The following PSMA8 variants were observed in gnomAD, a reference collection of about 807,000 sequenced individuals.
PSMA8 encodes the protein proteasome subunit alpha-type 8.
Under a neutral mutation model 32.4 loss-of-function variants are expected in PSMA8, and 18 were observed. That is an observed-to-expected ratio of 0.56 (90% confidence interval 0.38 to 0.82). The LOEUF (loss-of-function observed/expected upper bound fraction) is 0.82, where lower values mean the gene tolerates loss of function less well. Ranked by LOEUF, PSMA8 falls within the 40% of genes least tolerant of loss-of-function variation. The pLI, the probability that PSMA8 is intolerant of heterozygous loss-of-function variation, is 0.00. For missense variants in PSMA8, 298 were observed against 300.7 expected (o/e 0.99, Z 0.07); for synonymous variants, 104 against 98.1 (o/e 1.06, Z -0.36).
intron 1 of PSMA8, among the ~76,000 whole-genome samples, chr18:26,134,290 C>T (rs2054890626): frequency 6.6e-6 from 1 of 151,882 alleles, no homozygotes; most frequent in Admixed American, 6.6e-5. Flanking sequence ...TGCTGTTCAA[C>T]TGCCTCTGTT....
chr18:26,142,037 A>ATTTTTTTTTT (rs71169819), intron 1 of PSMA8, among the ~76,000 whole-genome samples: 1 of 117,600 alleles, frequency 8.5e-6, no homozygotes, highest in African/African-American at 3.6e-5. Context: ...AATAATGCTA[A>ATTTTTTTTTT]TTTTTTTTTT....
chr18:26,171,165 G>T, intron 4 of PSMA8: 2 of 1,559,038 alleles, frequency 1.3e-6, no homozygotes, highest in Middle Eastern at 1.7e-4. Context: ...TACTGAAGAG[G>T]TTGTGGTCAT....
chr18:26,141,713 C>CTTTTTTTTTTTTTTTT (rs1011733993), intron 1 of PSMA8, among the ~76,000 whole-genome samples: 14 of 109,992 alleles, frequency 1.3e-4, no homozygotes, highest in African/African-American at 1.9e-4. Context: ...TTTCTTTTTT[C>CTTTTTTTTTTTTTTTT]TTTTTTTTTT....
chr18:26,133,934 A>T lies in PSMA8; in HGVS notation c.-32A>T. ...GCTTGCCTCAGCTGCAGCAGCGGGA[A>T]GCTCGGTGGCAAGCCCTTGTAGTCC... On this transcript the variant is annotated 5_prime_UTR_variant, in exon 1 of 7. The change creates a new upstream start codon in the 5' untranslated region. Coordinates refer to ENST00000415576, the MANE Select transcript of PSMA8 (RefSeq NM_001025096.2). 1 of 1,570,000 alleles carries T rather than the reference A, an allele frequency of 6.4e-7. No homozygotes were observed. The highest frequency in any genetic ancestry group is 1.1e-5 in the South Asian group (1 of 89,720).
intron 3 of PSMA8, among the ~76,000 whole-genome samples, chr18:26,156,243 G>A (rs575046203): frequency 1.3e-5 from 2 of 152,162 alleles, no homozygotes; most frequent in African/African-American, 2.4e-5. Context: ...TAGTATGGAG[G>A]TTCCTCAGAA....
At chr18:26,191,678 C>T (rs116705461) in intron 6 of PSMA8, among the ~76,000 whole-genome samples, 1,562 of 151,940 alleles carry the variant, frequency 0.01, 27 homozygotes, top group African/African-American at 0.036. Flanking sequence ...TGGTCTCGAA[C>T]CCCTGACCTC....
At chr18:26,159,040 A>ACAT (rs2055114366) in intron 4 of PSMA8, among the ~76,000 whole-genome samples, 1 of 152,116 alleles carries the variant, frequency 6.6e-6, no homozygotes, top group African/African-American at 2.4e-5. Context: ...AGAGAAACCT[A>ACAT]GCTTCCAGGA....
At chr18:26,140,003 G>T in intron 1 of PSMA8, 1 of 700,054 alleles carries the variant, frequency 1.4e-6, no homozygotes. Flanking sequence ...TCTTTGTCAA[G>T]AAATTCATAG....
At chr18:26,184,865 T>A (rs1344973213) in intron 6 of PSMA8, among the ~76,000 whole-genome samples, 1 of 148,712 alleles carries the variant, frequency 6.7e-6, no homozygotes, top group Non-Finnish European at 1.5e-5. Context: ...GGCGGGTGGA[T>A]CACCTGAGGT....
rs376739064 is a variant in PSMA8, at chr18:26,151,746, G to GA, written c.230-105dup. On this transcript the variant is annotated intron_variant, in intron 2 of 6. Coordinates refer to ENST00000415576, the MANE Select transcript of PSMA8 (RefSeq NM_001025096.2). ...GTCTTTTAAAATGAGCATGTATTGA[G>GA]AAAAAAAGGATAAGAAAGATTTCAT... The GA allele has an allele frequency of 4.9e-4, 489 of 997,256 alleles. No homozygotes were observed. The African/African-American group carries it at 7.0e-3, about 14-fold the overall frequency. The allele number at this position is 997,256 out of a possible 1,614,324, so 61.8% of individuals were successfully genotyped here. A position where few individuals can be genotyped will look rare whatever the true frequency, so the allele number is the denominator to read the frequency against.
At chr18:26,161,570 G>A (rs1389133402) in intron 4 of PSMA8, among the ~76,000 whole-genome samples, 1 of 152,180 alleles carries the variant, frequency 6.6e-6, no homozygotes, top group East Asian at 1.9e-4. Flanking sequence ...AGAATACTAT[G>A]ATGGTGAAGA....
At chr18:26,151,818 T>A (rs374376084) in intron 2 of PSMA8, 40 bp from the exon 3 acceptor site, 704 of 1,558,360 alleles carry the variant, frequency 4.5e-4, no homozygotes, top group Non-Finnish European at 5.7e-4. Context: ...GTAAAAAATA[T>A]GTTTTTGTGG....
At position 26,185,966 on chromosome 18, in the gene PSMA8, G is replaced by T. The variant is rs529088542; in HGVS notation, c.661-6353G>T. Among the ~76,000 whole-genome samples, 146 of 150,428 alleles carry T rather than the reference G, an allele frequency of 9.7e-4. 7 individuals carry two copies. The highest frequency in any genetic ancestry group is 1.2e-3 in the Non-Finnish European group (82 of 67,670). Reference sequence around the variant, plus strand: ...TGATCAAAAATGGAGCTCTGGATGGGCATGGTGGCTCATGCCTGTAATCCC... The same window carrying T: ...TGATCAAAAATGGAGCTCTGGATGGTCATGGTGGCTCATGCCTGTAATCCC... On this transcript the variant is annotated intron_variant, in intron 6 of 6. Transcript: ENST00000415576.
At chr18:26,175,720 A>T (rs1298628053) in intron 4 of PSMA8, among the ~76,000 whole-genome samples, 1 of 152,232 alleles carries the variant, frequency 6.6e-6, no homozygotes, top group African/African-American at 2.4e-5. Flanking sequence ...TCTCCTAACA[A>T]CAAAGACCTG....
intron 3 of PSMA8, 132 bp downstream of exon 3, chr18:26,152,114 T>C (rs2055051277): frequency 3.8e-6 from 2 of 527,072 alleles, no homozygotes; most frequent in Non-Finnish European, 2.9e-6. Flanking sequence ...TTCTCACACT[T>C]ACTTTATATT....
intron 2 of PSMA8, among the ~76,000 whole-genome samples, chr18:26,147,945 G>A (rs2055016981): frequency 6.6e-6 from 1 of 150,566 alleles, no homozygotes; most frequent in South Asian, 2.1e-4. Flanking sequence ...ATTGTACATA[G>A]ACAGAATTCC....
chr18:26,181,402 C>A (rs553307923), intron 6 of PSMA8, among the ~76,000 whole-genome samples: 3 of 152,266 alleles, frequency 2.0e-5, no homozygotes, highest in Admixed American at 6.5e-5. Flanking sequence ...CTCCTCAGGC[C>A]TCCTATTGCC....
At chr18:26,166,731 T>G (rs2055183275) in intron 4 of PSMA8, among the ~76,000 whole-genome samples, 1 of 152,168 alleles carries the variant, frequency 6.6e-6, no homozygotes, top group African/African-American at 2.4e-5. Flanking sequence ...ACTTGGAGAT[T>G]TGGCAGGACA....
chr18:26,133,883 G>A lies in PSMA8; in HGVS notation c.-83G>A. On this transcript the variant is annotated 5_prime_UTR_variant, in exon 1 of 7. Coordinates refer to ENST00000415576, the MANE Select transcript of PSMA8 (RefSeq NM_001025096.2). Reference sequence around the variant, plus strand: ...CGTGTGGAAGCGCTTCCGGGCGGTAGCACGCTGTGTTGGCGGCGGCTCCCC... The same window carrying A: ...CGTGTGGAAGCGCTTCCGGGCGGTAACACGCTGTGTTGGCGGCGGCTCCCC... The A allele has an allele frequency of 3.3e-6, 4 of 1,210,024 alleles. No homozygotes were observed. Among genetic ancestry groups the A allele is most frequent in the Non-Finnish European group, 4.9e-6 (4 of 823,874 alleles). The allele number at this position is 1,210,024 out of a possible 1,614,324, so 75.0% of individuals were successfully genotyped here.
Sources: allele counts gnomAD v4.1 joint callset (sites outside exome capture counted in the v4.1 genomes callset), GRCh38; gene constraint gnomAD v4.1.1; transcripts MANE v1.5; gene names NCBI Gene and HGNC (gene_info 2026-07-23, HGNC 2026-07-21).